Variants in NRXN3 observed in about 807,000 individuals in gnomAD.
The protein encoded by NRXN3 is neurexin 3.
A neutral mutation model predicts 137.6 loss-of-function variants in NRXN3; 32 were observed. The ratio of observed to expected loss-of-function variants is 0.23; its 90% confidence interval spans 0.18 to 0.31. The LOEUF (loss-of-function observed/expected upper bound fraction) is 0.31. Ranked by LOEUF, NRXN3 falls within the 10% of genes least tolerant of loss-of-function variation. The probability of loss-of-function intolerance (pLI) is 1.00; values close to 1 mark genes in which losing one functional copy is unlikely to be tolerated. For missense variants in NRXN3, 1,574 were observed against 2,062.5 expected (o/e 0.76, Z 4.59); for synonymous variants, 798 against 784.5 (o/e 1.02, Z -0.29).
rs1270865296 is a variant in NRXN3, at chr14:79,845,671, G to GGAGACGGGGAGA, written c.4094-15663_4094-15652dup. ...GAGAGACGGAGACGGGGAGAGAGACGGAGACGGGGAGAGAGACGGAGACGG... is the reference window on the plus strand; with the variant it reads ...GAGAGACGGAGACGGGGAGAGAGACGGAGACGGGGAGAGAGACGGGGAGAGAGACGGAGACGG... On this transcript the variant is annotated intron_variant, in intron 20 of 20. Coordinates refer to ENST00000335750, the MANE Select transcript of NRXN3 (RefSeq NM_001330195.2). 3.1e-4 allele frequency among the ~76,000 whole-genome samples: 35 copies of GGAGACGGGGAGA among 114,534 alleles called. 2 individuals are homozygous for GGAGACGGGGAGA. The highest frequency in any genetic ancestry group is 1.3e-3 in the African/African-American group (33 of 25,170). The allele number at this position is 114,534 out of a possible 152,430, so 75.1% of individuals were successfully genotyped here. A position where few individuals can be genotyped will look rare whatever the true frequency, so the allele number is the denominator to read the frequency against.
At chr14:79,365,752 A>AAAAAAAAAAAAAAC in intron 15 of NRXN3, among the ~76,000 whole-genome samples, 1 of 149,216 alleles carries the variant, frequency 6.7e-6, no homozygotes, top group South Asian at 2.1e-4. Context: ...AAAGAAAAAA[A>AAAAAAAAAAAAAAC]AGAAGAGTTT....
At chr14:79,706,735 G>C (rs542332674) in intron 19 of NRXN3, among the ~76,000 whole-genome samples, 10 of 152,204 alleles carry the variant, frequency 6.6e-5, no homozygotes, top group African/African-American at 2.2e-4. Context: ...TTAATTTTAT[G>C]CTGCTTCAGC....
At chr14:78,619,195 A>G (rs1397482942) in intron 4 of NRXN3, among the ~76,000 whole-genome samples, 1 of 152,228 alleles carries the variant, frequency 6.6e-6, no homozygotes, top group Non-Finnish European at 1.5e-5. Flanking sequence ...AAGCCACTGG[A>G]CATCAGGGAA....
chr14:78,796,920 A>T (rs10132461), intron 8 of NRXN3, among the ~76,000 whole-genome samples: 151,918 of 152,256 alleles, frequency 1, 75,790 homozygotes, highest in East Asian at 1. Flanking sequence ...AGGCTGAAAC[A>T]TCTCAAGGGT....
chr14:78,502,842 C>T (rs534478728), intron 4 of NRXN3, among the ~76,000 whole-genome samples: 1 of 152,272 alleles, frequency 6.6e-6, no homozygotes, highest in African/African-American at 2.4e-5. Context: ...TACAGAATGG[C>T]TGGGAAAGGG....
intron 16 of NRXN3, among the ~76,000 whole-genome samples, chr14:79,618,222 G>A (rs980523257): frequency 5.3e-5 from 8 of 151,900 alleles, no homozygotes; most frequent in Non-Finnish European, 1.0e-4. Flanking sequence ...TTAAGACTCC[G>A]GAGTACATGT....
intron 10 of NRXN3, among the ~76,000 whole-genome samples, chr14:78,854,123 C>T (rs2152497287): frequency 6.6e-6 from 1 of 152,286 alleles, no homozygotes; most frequent in East Asian, 1.9e-4. Context: ...GTCAAGCATC[C>T]TCTGATTACG....
intron 15 of NRXN3, among the ~76,000 whole-genome samples, chr14:79,343,148 G>A (rs963333768): frequency 2.0e-5 from 3 of 152,050 alleles, no homozygotes; most frequent in African/African-American, 7.3e-5. Flanking sequence ...CTGATCTTAG[G>A]AGCAGTTTAG....
chr14:78,497,792 T>C (rs2095813264), intron 4 of NRXN3, among the ~76,000 whole-genome samples: 1 of 152,224 alleles, frequency 6.6e-6, no homozygotes, highest in Admixed American at 6.5e-5. Context: ...ACTTTAGCTA[T>C]ATGACCTTAA....
intron 1 of NRXN3, among the ~76,000 whole-genome samples, chr14:78,211,269 GTCTT>G (rs1333393151): frequency 6.6e-6 from 1 of 152,194 alleles, no homozygotes; most frequent in Admixed American, 6.5e-5. Flanking sequence ...CTAGAGTCTG[GTCTT>G]TCTCTTTTGG....
chr14:79,633,964 C>T (rs1402605217), intron 16 of NRXN3, among the ~76,000 whole-genome samples: 1 of 152,088 alleles, frequency 6.6e-6, no homozygotes, highest in Non-Finnish European at 1.5e-5. Context: ...CAGTCTCACT[C>T]CTGCTGTACT....
chr14:78,794,128 C>T (rs936986755), intron 8 of NRXN3, among the ~76,000 whole-genome samples: 1 of 152,148 alleles, frequency 6.6e-6, no homozygotes, highest in East Asian at 1.9e-4. Flanking sequence ...AACCCGTAAT[C>T]ACAACACTTT....
chr14:78,321,377 C>T (rs2079348025), intron 4 of NRXN3, among the ~76,000 whole-genome samples: 1 of 152,088 alleles, frequency 6.6e-6, no homozygotes, highest in African/African-American at 2.4e-5. Flanking sequence ...AACCCATCTT[C>T]ATAAAGAACA....
At chr14:79,788,069 G>A (rs1358986038) in intron 19 of NRXN3, among the ~76,000 whole-genome samples, 7 of 152,102 alleles carry the variant, frequency 4.6e-5, no homozygotes, top group Non-Finnish European at 8.8e-5. Context: ...ATGACTGGGG[G>A]GGCCTCACAA....
At chr14:79,461,603 G>T (rs529876535) in intron 15 of NRXN3, among the ~76,000 whole-genome samples, 1 of 152,230 alleles carries the variant, frequency 6.6e-6, no homozygotes, top group Non-Finnish European at 1.5e-5. Flanking sequence ...GTCTCTATTT[G>T]CTAGAAGAGA....
chr14:79,057,454 T>A (rs1328518241), intron 15 of NRXN3, among the ~76,000 whole-genome samples: 1 of 152,186 alleles, frequency 6.6e-6, no homozygotes, highest in Non-Finnish European at 1.5e-5. Context: ...ATTCTACGAC[T>A]GAAAATGGCA....
rs777502073 is a variant in NRXN3 at position 79,697,681 on chromosome 14, A to G, written c.3758A>G (p.Lys1253Arg). Reference protein sequence around the residue: ...NTQAQIAIGGKDKGRLFQGQL... With the variant: ...NTQAQIAIGGRDKGRLFQGQL... ...CAGGCGCAAATAGCCATTGGTGGAA[A>G]GGACAAAGGACGCCTCTTCCAAGGC... Residue 1253 changes from lysine (K) to arginine (R), a missense_variant, in exon 19 of 21, where the codon AAG becomes AGG. Physicochemically the swap from Lys to Arg is conservative, Grantham distance 26. Around this residue, in one of 5 missense-constraint regions of NRXN3, gnomAD observed 133 missense variants for 241.8 expected, o/e 0.55. Transcript: ENST00000335750. The G allele has an allele frequency of 6.2e-7, 1 of 1,612,974 alleles. No homozygotes were observed. Among genetic ancestry groups the G allele is most frequent in the South Asian group, 1.1e-5 (1 of 91,034 alleles).
intron 16 of NRXN3, among the ~76,000 whole-genome samples, chr14:79,561,774 C>T (rs2097500194): frequency 1.3e-5 from 2 of 152,010 alleles, no homozygotes; most frequent in Non-Finnish European, 2.9e-5. Context: ...GAAGAACACC[C>T]TCATTCCAAT....
intron 20 of NRXN3, among the ~76,000 whole-genome samples, chr14:79,811,581 C>CTTTTTTTTTTTTTTTTTTT (rs370942970): frequency 2.2e-4 from 26 of 116,604 alleles, no homozygotes; most frequent in Non-Finnish European, 3.6e-4. Context: ...TTTCTTTTTT[C>CTTTTTTTTTTTTTTTTTTT]TTTTTTTTTT....
Sources: gnomAD v4.1 joint callset for allele counts (sites outside exome capture counted in the v4.1 genomes callset) on GRCh38, gnomAD v4.1.1 for gene constraint, gnomAD v4.1.1 regional missense constraint, MANE v1.5 for transcripts, NCBI Gene and HGNC (gene_info 2026-07-23, HGNC 2026-07-21) for gene names.